The following OLFM3 variants were observed in gnomAD, a reference collection of about 807,000 sequenced individuals.
OLFM3 encodes the protein olfactomedin 3, also known as noelin-3.
A neutral mutation model predicts 48.6 loss-of-function variants in OLFM3; 20 were observed. That is an observed-to-expected ratio of 0.41 (90% CI 0.29 to 0.60). The LOEUF is 0.60. OLFM3 is among the 20% of genes least tolerant of loss of function. The pLI, the probability that OLFM3 is intolerant of heterozygous loss-of-function variation, is 0.28. For missense variants in OLFM3, 437 were observed against 544.3 expected (o/e 0.80, Z 1.96); for synonymous variants, 222 against 198.1 (o/e 1.12, Z -1.01).
chr1:101,969,207 G>T (rs551474116), intron 1 of OLFM3, among the ~76,000 whole-genome samples: 6 of 152,240 alleles, frequency 3.9e-5, no homozygotes, highest in African/African-American at 1.4e-4. Flanking sequence ...GAATGCAATG[G>T]CACAATCAGA....
intron 1 of OLFM3, among the ~76,000 whole-genome samples, chr1:101,921,578 C>T (rs1201805997): frequency 5.9e-5 from 9 of 152,110 alleles, no homozygotes; most frequent in Non-Finnish European, 1.0e-4. Context: ...CCATTTGGGA[C>T]CAGTGAGTCA....
At chr1:101,821,210 T>C (rs1420491581) in intron 4 of OLFM3, among the ~76,000 whole-genome samples, 1 of 152,064 alleles carries the variant, frequency 6.6e-6, no homozygotes, top group South Asian at 2.1e-4. Flanking sequence ...GATGAATTGA[T>C]CCAAACTGTA....
intron 4 of OLFM3, among the ~76,000 whole-genome samples, chr1:101,823,170 G>T (rs1166041284): frequency 6.6e-6 from 1 of 151,966 alleles, no homozygotes; most frequent in Non-Finnish European, 1.5e-5. Context: ...GAGTGAACAT[G>T]ATAGACATTG....
chr1:101,816,606 A>G (rs1009971775), intron 4 of OLFM3, among the ~76,000 whole-genome samples: 2 of 152,174 alleles, frequency 1.3e-5, no homozygotes, highest in Admixed American at 6.5e-5. Context: ...AATCTAGGCC[A>G]CAGCATTCAA....
At chr1:101,868,243 G>C (rs1464246987) in intron 1 of OLFM3, among the ~76,000 whole-genome samples, 2 of 152,156 alleles carry the variant, frequency 1.3e-5, no homozygotes, top group East Asian at 3.8e-4. Context: ...CCAGAAGTTG[G>C]AACAGTTGGA....
intron 1 of OLFM3, among the ~76,000 whole-genome samples, chr1:101,996,288 C>T (rs1661553567): frequency 6.6e-6 from 1 of 152,196 alleles, no homozygotes; most frequent in African/African-American, 2.4e-5. Context: ...TGGACACAAA[C>T]CGCAGCACGT....
intron 1 of OLFM3, among the ~76,000 whole-genome samples, chr1:101,961,139 G>A (rs897908874): frequency 6.6e-6 from 1 of 151,940 alleles, no homozygotes; most frequent in Non-Finnish European, 1.5e-5. Context: ...AAAAGATAAT[G>A]GGGAAAATAA....
intron 1 of OLFM3, among the ~76,000 whole-genome samples, chr1:101,994,759 G>A (rs762056321): frequency 6.6e-5 from 10 of 151,500 alleles, no homozygotes; most frequent in African/African-American, 9.7e-5. Flanking sequence ...AACAAATATC[G>A]TCTTTTAAAA....
intron 1 of OLFM3, among the ~76,000 whole-genome samples, chr1:101,985,707 C>T (rs1314066832): frequency 6.6e-6 from 1 of 151,978 alleles, no homozygotes; most frequent in Non-Finnish European, 1.5e-5. Flanking sequence ...ATTAAATTTG[C>T]AAAAACTAAT....
intron 1 of OLFM3, among the ~76,000 whole-genome samples, chr1:101,920,691 T>A (rs1381141698): frequency 1.3e-5 from 2 of 152,138 alleles, no homozygotes; most frequent in Non-Finnish European, 2.9e-5. Flanking sequence ...GATAGAGGTA[T>A]TGGGGTTAAA....
In OLFM3 at chr1:101,991,016, AATATAT is replaced by A. The variant is rs1215588189; in HGVS notation, c.69+5726_69+5731del. On this transcript the variant is annotated intron_variant, in intron 1 of 5. Transcript: ENST00000370103. ...AAAAAAAAAAAAAAAAAAAAAAAAA[AATATAT>A]ATATATATATATATATATACTTCGT... Among the ~76,000 whole-genome samples, 221 of 32,192 alleles carry A rather than the reference AATATAT, an allele frequency of 6.9e-3. 5 individuals are homozygous for A. Among genetic ancestry groups the A allele is most frequent in the Admixed American group, 8.5e-3 (21 of 2,470 alleles). 21.1% of individuals were successfully genotyped at this position (32,192 alleles called of 152,430 possible). A position where few individuals can be genotyped will look rare whatever the true frequency, so the allele number is the denominator to read the frequency against.
chr1:101,867,935 C>A (rs1570577559), intron 1 of OLFM3, among the ~76,000 whole-genome samples: 1 of 152,086 alleles, frequency 6.6e-6, no homozygotes, highest in African/African-American at 2.4e-5. Context: ...CTCACAAGAT[C>A]TGATGATTTT....
At chr1:101,914,355 G>A (rs1658858615) in intron 1 of OLFM3, among the ~76,000 whole-genome samples, 2 of 152,096 alleles carry the variant, frequency 1.3e-5, no homozygotes, top group African/African-American at 2.4e-5. Context: ...ATCAGTCTCC[G>A]CCAGTAACTG....
chr1:101,806,049 G>T, intron 5 of OLFM3, 27 bp downstream of exon 5: 1 of 1,519,104 alleles, frequency 6.6e-7, no homozygotes, highest in Non-Finnish European at 9.1e-7. Context: ...TTAATTCTAA[G>T]CAAAGGTGTT....
Position 101,957,186 on chromosome 1 carries a change from T to G in OLFM3, c.69+39562A>C, listed in dbSNP as rs74107199. ...CATAGCTATGGTTTTAAAGACATCA[T>G]TTGGGAAGGGCTATGATGAGAGATA... On this transcript the variant is annotated intron_variant, in intron 1 of 5. Coordinates refer to ENST00000370103, the MANE Select transcript of OLFM3 (RefSeq NM_058170.4). 7.2e-3 allele frequency among the ~76,000 whole-genome samples: 1,094 copies of G among 152,038 alleles called. 11 individuals carry two copies. The highest frequency in any genetic ancestry group is 0.025 in the African/African-American group (1,045 of 41,526).
At chr1:101,840,398 G>A (rs1655659119) in intron 1 of OLFM3, among the ~76,000 whole-genome samples, 1 of 152,116 alleles carries the variant, frequency 6.6e-6, no homozygotes, top group Non-Finnish European at 1.5e-5. Context: ...GTATCAGCCA[G>A]TGAGTAGGGA....
chr1:101,979,065 G>A (rs1368620586), intron 1 of OLFM3, among the ~76,000 whole-genome samples: 1 of 152,114 alleles, frequency 6.6e-6, no homozygotes, highest in Non-Finnish European at 1.5e-5. Flanking sequence ...AGGAACAAAA[G>A]TGAACCCTAT....
intron 1 of OLFM3, among the ~76,000 whole-genome samples, chr1:101,917,200 T>A (rs757926520): frequency 2.6e-5 from 4 of 152,204 alleles, no homozygotes; most frequent in Non-Finnish European, 2.9e-5. Context: ...TTATTAATAC[T>A]GTTCCTAAAT....
chr1:101,844,627 C>G (rs1348399077), intron 1 of OLFM3, among the ~76,000 whole-genome samples: 2 of 152,054 alleles, frequency 1.3e-5, no homozygotes, highest in African/African-American at 4.8e-5. Context: ...GTCTTGAGAG[C>G]CCTAAGATTT....
Sources: allele counts gnomAD v4.1 joint callset (sites outside exome capture counted in the v4.1 genomes callset), GRCh38; gene constraint gnomAD v4.1.1; transcripts MANE v1.5; gene names NCBI Gene and HGNC (gene_info 2026-07-23, HGNC 2026-07-21).